SIL1: variants seen among roughly 807,000 people sequenced by gnomAD.
The protein encoded by SIL1 is SIL1 nucleotide exchange factor.
In SIL1, 40 loss-of-function variants were observed where a neutral mutation model predicts 49.1. That is an observed-to-expected ratio of 0.81 (90% CI 0.63 to 1.06). SIL1 has a LOEUF of 1.06. Ranked by LOEUF, SIL1 falls within the 50% of genes least tolerant of loss-of-function variation. SIL1 has a pLI of 0.00. For synonymous variants in SIL1, 253 were observed against 250.8 expected (o/e 1.01, Z -0.08); for missense variants, 500 against 572.6 (o/e 0.87, Z 1.29).
intron 3 of SIL1, among the ~76,000 whole-genome samples, chr5:139,096,563 A>T (rs749849761): frequency 2.0e-5 from 3 of 151,242 alleles, no homozygotes; most frequent in Non-Finnish European, 4.4e-5. Flanking sequence ...TCTGCTTGAG[A>T]AGAAGAGAGA....
chr5:138,946,894 C>G lies in SIL1; in HGVS notation c.*223G>C. The G allele has an allele frequency of 1.7e-6, 1 of 585,140 alleles. No homozygotes were observed. Among genetic ancestry groups the G allele is most frequent in the South Asian group, 1.9e-5 (1 of 51,546 alleles). 36.2% of individuals were successfully genotyped at this position (585,140 alleles called of 1,614,324 possible). On this transcript the variant is annotated 3_prime_UTR_variant, in exon 10 of 10. Transcript: ENST00000394817. The stretch of plus-strand genomic sequence containing the variant: ...TGTTCCTGGATGCCCTGGGCTGAGC[C>G]CTGCACGTCAGCAGAGCCCATCACC...
chr5:139,103,408 T>TC (rs1246057909), intron 3 of SIL1, among the ~76,000 whole-genome samples: 1 of 152,212 alleles, frequency 6.6e-6, no homozygotes, highest in Non-Finnish European at 1.5e-5. Context: ...AGCGTGCCAG[T>TC]CAGTCTGTGG....
intron 1 of SIL1, among the ~76,000 whole-genome samples, chr5:139,145,038 C>T (rs1016283719): frequency 2.0e-5 from 3 of 151,960 alleles, no homozygotes; most frequent in Non-Finnish European, 4.4e-5. Context: ...GTGCAAAGGA[C>T]GCGATCAAGA....
At chr5:139,172,934 G>GC (rs1379754959) in intron 1 of SIL1, among the ~76,000 whole-genome samples, 1 of 151,500 alleles carries the variant, frequency 6.6e-6, no homozygotes, top group Non-Finnish European at 1.5e-5. Context: ...ACCCGCTGAT[G>GC]CCCCCATGAT....
At chr5:138,949,401 C>T (rs965163399) in intron 9 of SIL1, among the ~76,000 whole-genome samples, 3 of 152,212 alleles carry the variant, frequency 2.0e-5, no homozygotes, top group African/African-American at 7.2e-5. Context: ...GCTGTCATGA[C>T]AACATGCTGC....
Position 139,046,284 on chromosome 5 carries a change from G to A in SIL1, c.354-3565C>T, listed in dbSNP as rs189139461. Among the ~76,000 whole-genome samples, 639 of 152,174 alleles carry A rather than the reference G, an allele frequency of 4.2e-3. 7 individuals carry two copies. The highest frequency in any genetic ancestry group is 0.01 in the African/African-American group (424 of 41,526). ...GGAGGTTGCAGTGAGCTGAGATGGT[G>A]CCACTGCACTCCAGCCTGGGTAGCA... On this transcript the variant is annotated intron_variant, in intron 4 of 9. Coordinates refer to ENST00000394817, the MANE Select transcript of SIL1 (RefSeq NM_022464.5).
chr5:139,050,663 G>A (rs1769265273), intron 4 of SIL1, among the ~76,000 whole-genome samples: 2 of 152,212 alleles, frequency 1.3e-5, no homozygotes, highest in African/African-American at 4.8e-5. Flanking sequence ...TCAAATGGGT[G>A]CTCTTAAAGT....
intron 7 of SIL1, among the ~76,000 whole-genome samples, chr5:138,986,431 A>G (rs1767650848): frequency 6.6e-6 from 1 of 152,212 alleles, no homozygotes; most frequent in African/African-American, 2.4e-5. Context: ...CCTGTAATCT[A>G]GTTCTAATCT....
At chr5:139,002,288 A>G (rs558650810) in intron 7 of SIL1, among the ~76,000 whole-genome samples, 27 of 152,318 alleles carry the variant, frequency 1.8e-4, no homozygotes, top group African/African-American at 6.0e-4. Flanking sequence ...AGGGAAATAC[A>G]AAGGATTATG....
chr5:138,950,492 C>T (rs528088410), intron 9 of SIL1, among the ~76,000 whole-genome samples: 7 of 152,312 alleles, frequency 4.6e-5, no homozygotes, highest in East Asian at 1.9e-4. Context: ...GCAGTTCCAG[C>T]GGCTGCCCAG....
chr5:139,141,070 G>A (rs1194495955), intron 1 of SIL1, among the ~76,000 whole-genome samples: 1 of 152,128 alleles, frequency 6.6e-6, no homozygotes, highest in African/African-American at 2.4e-5. Flanking sequence ...GCTAGGGACT[G>A]CACAAACTCC....
At chr5:138,977,449 A>C (rs1384842217) in intron 7 of SIL1, among the ~76,000 whole-genome samples, 1 of 152,082 alleles carries the variant, frequency 6.6e-6, no homozygotes. Flanking sequence ...CTCTCCCGCA[A>C]AGCAATCAGA....
At chr5:139,086,283 A>AG (rs1042935229) in intron 3 of SIL1, among the ~76,000 whole-genome samples, 5 of 144,774 alleles carry the variant, frequency 3.5e-5, no homozygotes, top group African/African-American at 1.3e-4. Context: ...AAAAAAAAAA[A>AG]AAAAAGAAGA....
chr5:139,082,057 A>G (rs10900856), intron 3 of SIL1, among the ~76,000 whole-genome samples: 39,698 of 152,142 alleles, frequency 0.26, 6,092 homozygotes, highest in Middle Eastern at 0.4. Flanking sequence ...GGTACTGGGC[A>G]TCAGAATAGC....
chr5:139,145,878 G>A (rs1751186091), intron 1 of SIL1, among the ~76,000 whole-genome samples: 1 of 151,488 alleles, frequency 6.6e-6, no homozygotes, highest in Admixed American at 6.6e-5. Context: ...GGGCAACACA[G>A]AGAGACCTCT....
chr5:138,984,349 C>CTT (rs1767603075), intron 7 of SIL1, among the ~76,000 whole-genome samples: 1 of 144,720 alleles, frequency 6.9e-6, no homozygotes, highest in Non-Finnish European at 1.5e-5. Context: ...TTTTTGTTTG[C>CTT]TTTTGTTTTT....
intron 3 of SIL1, among the ~76,000 whole-genome samples, chr5:139,112,823 C>T: frequency 6.6e-6 from 1 of 152,288 alleles, no homozygotes; most frequent in Non-Finnish European, 1.5e-5. Flanking sequence ...TGAGAACGGG[C>T]CATGATGACA....
rs557031684 is a variant in SIL1 at position 139,067,711 on chromosome 5, G to C, written c.245-16665C>G. Among the ~76,000 whole-genome samples the C allele has an allele frequency of 8.7e-3, 1,318 of 152,302 alleles. 21 individuals carry two copies. The highest frequency in any genetic ancestry group is 0.029 in the African/African-American group (1,193 of 41,554). On this transcript the variant is annotated intron_variant, in intron 3 of 9. Coordinates refer to ENST00000394817, the MANE Select transcript of SIL1 (RefSeq NM_022464.5). ...TTGAAGAGCCTCTGGGCCAATAATG[G>C]CAAGGCCTTGCAGCAACCGGCATCC...
intron 1 of SIL1, among the ~76,000 whole-genome samples, chr5:139,175,586 C>G (rs2151817388): frequency 6.6e-6 from 1 of 152,354 alleles, no homozygotes; most frequent in South Asian, 2.1e-4. Context: ...TTTTCCAAAA[C>G]ATTGAAGAGG....
Sources: gnomAD v4.1 joint callset for allele counts (sites outside exome capture counted in the v4.1 genomes callset) on GRCh38, gnomAD v4.1.1 for gene constraint, MANE v1.5 for transcripts, NCBI Gene and HGNC (gene_info 2026-07-23, HGNC 2026-07-21) for gene names.